The following SEMA6D variants were observed in gnomAD, a reference collection of about 807,000 sequenced individuals.
SEMA6D encodes the protein semaphorin-6D.
SEMA6D carries 35 observed loss-of-function variants against 106.6 expected under a neutral mutation model. The ratio of observed to expected loss-of-function variants is 0.33; its 90% CI spans 0.25 to 0.44. SEMA6D has a LOEUF of 0.44. Among genes scored for constraint, SEMA6D ranks in the 20% least tolerant of loss-of-function variants. The probability of loss-of-function intolerance (pLI) is 1.00; values close to 1 mark genes in which losing one functional copy is unlikely to be tolerated. For missense variants in SEMA6D, 1,185 were observed against 1,345.9 expected, an observed-to-expected ratio of 0.88 and a Z score of 1.87; for synonymous variants, 499 against 487.7, an observed-to-expected ratio of 1.02 and a Z score of -0.31.
At chr15:47,234,553 G>C (rs867822516) in intron 1 of SEMA6D, among the ~76,000 whole-genome samples, 2 of 151,916 alleles carry the variant, frequency 1.3e-5, no homozygotes, top group Admixed American at 6.6e-5. Flanking sequence ...GTATGACTTT[G>C]CATACCCATA....
intron 4 of SEMA6D, among the ~76,000 whole-genome samples, chr15:47,711,099 G>A (rs2079009139): frequency 6.6e-6 from 1 of 151,880 alleles, no homozygotes; most frequent in Admixed American, 6.6e-5. Flanking sequence ...CACGAGGTCA[G>A]GAGATCGAGA....
intron 3 of SEMA6D, among the ~76,000 whole-genome samples, chr15:47,503,689 T>TCACA (rs142397320): frequency 0.026 from 3,853 of 148,654 alleles, 141 homozygotes; most frequent in African/African-American, 0.079. Flanking sequence ...TCTCTCTCTG[T>TCACA]CACACACACA....
chr15:47,359,323 C>G (rs951269706), intron 1 of SEMA6D: 1 of 152,118 alleles, frequency 6.6e-6, no homozygotes, highest in East Asian at 1.9e-4. Flanking sequence ...TTAATTTTTA[C>G]TCTTTCTGTG....
intron 4 of SEMA6D, among the ~76,000 whole-genome samples, chr15:47,650,710 A>G (rs1299617255): frequency 2.0e-5 from 3 of 152,188 alleles, no homozygotes; most frequent in Non-Finnish European, 4.4e-5. Context: ...GATTAAAGAG[A>G]TGAAGCAATT....
At chr15:47,414,249 A>G (rs2040890775) in intron 2 of SEMA6D, among the ~76,000 whole-genome samples, 1 of 152,140 alleles carries the variant, frequency 6.6e-6, no homozygotes, top group Non-Finnish European at 1.5e-5. Flanking sequence ...CTTGAGTTTC[A>G]TGTTTTATTT....
chr15:47,632,264 T>C (rs1402627278), intron 4 of SEMA6D, among the ~76,000 whole-genome samples: 1 of 152,024 alleles, frequency 6.6e-6, no homozygotes, highest in African/African-American at 2.4e-5. Flanking sequence ...TACTTTTTTT[T>C]ATAAAGTCTA....
chr15:47,669,767 C>A (rs1379692573), intron 4 of SEMA6D, among the ~76,000 whole-genome samples: 1 of 152,176 alleles, frequency 6.6e-6, no homozygotes, highest in Non-Finnish European at 1.5e-5. Flanking sequence ...GCCATACTTC[C>A]ATCTGTGCTC....
At chr15:47,730,456 A>G in intron 1 of SEMA6D, 2 of 1,369,522 alleles carry the variant, frequency 1.5e-6, no homozygotes, top group Non-Finnish European at 2.1e-6. Context: ...GCTCGATGGG[A>G]TCCACGTCGT....
intron 4 of SEMA6D, among the ~76,000 whole-genome samples, chr15:47,675,778 G>A (rs952154354): frequency 1.3e-5 from 2 of 152,154 alleles, no homozygotes; most frequent in East Asian, 3.9e-4. Flanking sequence ...TGGCTTCTGT[G>A]GTGGTTCTGG....
chr15:47,321,510 A>G (rs1398213898), intron 1 of SEMA6D, among the ~76,000 whole-genome samples: 1 of 150,028 alleles, frequency 6.7e-6, no homozygotes, highest in East Asian at 2.0e-4. Context: ...TTCCATGAAG[A>G]AATGATATGT....
chr15:47,658,304 T>C (rs539746194), intron 4 of SEMA6D, among the ~76,000 whole-genome samples: 69 of 152,282 alleles, frequency 4.5e-4, no homozygotes, highest in African/African-American at 1.6e-3. Context: ...CTTGCTTTCC[T>C]GGGATTAGAG....
chr15:47,420,852 A>G (rs996856421), intron 2 of SEMA6D, among the ~76,000 whole-genome samples: 1 of 152,080 alleles, frequency 6.6e-6, no homozygotes, highest in Non-Finnish European at 1.5e-5. Context: ...TTGTGACCTT[A>G]GGGGCAGCTA....
chr15:47,191,249 T>C (rs1038142187), intron 1 of SEMA6D, among the ~76,000 whole-genome samples: 1 of 152,208 alleles, frequency 6.6e-6, no homozygotes, highest in Non-Finnish European at 1.5e-5. Flanking sequence ...TTATAGTTTA[T>C]ATTGAAATCA....
At chr15:47,370,629 G>A (rs2039236155) in intron 1 of SEMA6D, among the ~76,000 whole-genome samples, 1 of 146,298 alleles carries the variant, frequency 6.8e-6, no homozygotes, top group African/African-American at 2.6e-5. Context: ...TGGATCACTT[G>A]AGGTCAGGAG....
intron 1 of SEMA6D, among the ~76,000 whole-genome samples, chr15:47,718,111 C>A (rs1348223410): frequency 6.6e-6 from 1 of 152,226 alleles, no homozygotes; most frequent in Admixed American, 6.5e-5. Flanking sequence ...TCGGCGTCCC[C>A]CGCACATAGC....
chr15:47,498,616 T>C (rs889221736), intron 3 of SEMA6D, among the ~76,000 whole-genome samples: 1 of 152,188 alleles, frequency 6.6e-6, no homozygotes, highest in African/African-American at 2.4e-5. Flanking sequence ...TCATAAATTA[T>C]GCAAATGCAT....
intron 3 of SEMA6D, among the ~76,000 whole-genome samples, chr15:47,557,242 C>T (rs762580502): frequency 1.3e-5 from 2 of 152,104 alleles, no homozygotes; most frequent in Non-Finnish European, 2.9e-5. Flanking sequence ...GGGTGCCTGT[C>T]ACATAGCAGG....
chr15:47,190,102 A>G (rs1243758820), intron 1 of SEMA6D, among the ~76,000 whole-genome samples: 1 of 152,154 alleles, frequency 6.6e-6, no homozygotes, highest in African/African-American at 2.4e-5. Context: ...ACCCCTTTTG[A>G]TCTCCAAAGG....
chr15:47,215,033 G>A (rs1028341400), intron 1 of SEMA6D, among the ~76,000 whole-genome samples: 3 of 151,438 alleles, frequency 2.0e-5, no homozygotes, highest in Non-Finnish European at 4.4e-5. Flanking sequence ...TCTGATGACT[G>A]TTTTATAAAC....
Sources: allele counts gnomAD v4.1 joint callset (sites outside exome capture counted in the v4.1 genomes callset), GRCh38; gene constraint gnomAD v4.1.1; transcripts MANE v1.5; gene names NCBI Gene and HGNC (gene_info 2026-07-23, HGNC 2026-07-21).